Variants in RYR3 observed in about 807,000 individuals in gnomAD.
RYR3 encodes brain ryanodine receptor-calcium release channel.
Under a neutral mutation model 584.3 loss-of-function variants are expected in RYR3, and 207 were observed. That is an observed-to-expected ratio of 0.35 (90% CI 0.32 to 0.40). The LOEUF is 0.40. RYR3 is among the 10% of genes least tolerant of loss of function. The pLI is 1.00. For missense variants in RYR3, 5,616 were observed against 6,089.2 expected, an observed-to-expected ratio of 0.92 and a Z score of 2.59; for synonymous variants, 2,416 against 2,248.5, an observed-to-expected ratio of 1.07 and a Z score of -2.11.
intron 3 of RYR3, among the ~76,000 whole-genome samples, chr15:33,506,160 G>A (rs2052468383): frequency 6.6e-6 from 1 of 152,140 alleles, no homozygotes; most frequent in Admixed American, 6.5e-5. Flanking sequence ...AGGGGAATAA[G>A]TAATCATTCA....
chr15:33,605,376 C>T (rs1042689279), intron 18 of RYR3, among the ~76,000 whole-genome samples: 2 of 152,190 alleles, frequency 1.3e-5, no homozygotes, highest in Admixed American at 6.5e-5. Flanking sequence ...CCTCCTGTCT[C>T]CTCTGAAGGC....
At chr15:33,822,166 CAT>C (rs1397816555) in intron 80 of RYR3, among the ~76,000 whole-genome samples, 2 of 152,198 alleles carry the variant, frequency 1.3e-5, no homozygotes, top group African/African-American at 4.8e-5. Flanking sequence ...TGCGACAACA[CAT>C]AGAAGCATAC....
At chr15:33,528,002 G>C (rs2054536705) in intron 3 of RYR3, among the ~76,000 whole-genome samples, 1 of 152,192 alleles carries the variant, frequency 6.6e-6, no homozygotes, top group Non-Finnish European at 1.5e-5. Context: ...AAGAAGAAAG[G>C]AGTGAAGGAT....
rs538441242 is a variant in RYR3, at chr15:33,532,373, G to T, written c.355-938G>T. Among the ~76,000 whole-genome samples the T allele has an allele frequency of 8.6e-5, 13 of 151,944 alleles. No homozygotes were observed. In the East Asian group the frequency reaches 2.0e-3, roughly 23 times the overall value. On this transcript the variant is annotated intron_variant, in intron 4 of 103. Coordinates refer to ENST00000634891, the MANE Select transcript of RYR3 (RefSeq NM_001036.6). ...AAATTTGAAAAACCAAAAACAGAAG[G>T]TCATGGGACCTTCTGTCCCATGGTC...
intron 1 of RYR3, among the ~76,000 whole-genome samples, chr15:33,409,377 T>G (rs1444211614): frequency 6.6e-6 from 1 of 151,978 alleles, no homozygotes; most frequent in East Asian, 1.9e-4. Flanking sequence ...AAGGCCTTCT[T>G]GTTCCCAGAG....
intron 43 of RYR3, among the ~76,000 whole-genome samples, 194 bp downstream of exon 43, chr15:33,707,248 T>C (rs186718296): frequency 2.0e-5 from 3 of 152,084 alleles, no homozygotes; most frequent in East Asian, 3.9e-4. Context: ...CAGACAAGGA[T>C]AAAGAGTAGA....
intron 1 of RYR3, among the ~76,000 whole-genome samples, chr15:33,435,370 C>G (rs1352835863): frequency 1.3e-5 from 2 of 152,102 alleles, no homozygotes; most frequent in Non-Finnish European, 2.9e-5. Context: ...ATATGGTTCT[C>G]ATCAATTTTC....
chr15:33,853,256 CTTCA>C (rs1194271464), intron 95 of RYR3, among the ~76,000 whole-genome samples, 169 bp downstream of exon 95: 4 of 152,148 alleles, frequency 2.6e-5, no homozygotes, highest in Admixed American at 6.5e-5. Flanking sequence ...AGGTTTTTGG[CTTCA>C]TTCATATACT....
chr15:33,747,850 G>A (rs544961880), intron 53 of RYR3, among the ~76,000 whole-genome samples: 6 of 152,146 alleles, frequency 3.9e-5, no homozygotes, highest in African/African-American at 7.2e-5. Context: ...CCTGTTCTTC[G>A]TCTACAGAAT....
chr15:33,404,986 G>A (rs180949720), intron 1 of RYR3, among the ~76,000 whole-genome samples: 6 of 152,218 alleles, frequency 3.9e-5, no homozygotes, highest in South Asian at 4.1e-4. Context: ...GTGTGACCTC[G>A]GGAAACTGGT....
intron 1 of RYR3, among the ~76,000 whole-genome samples, chr15:33,445,245 A>G (rs926843982): frequency 1.3e-5 from 2 of 152,142 alleles, no homozygotes. Context: ...AAGGGGGCAC[A>G]TGGGATATGT....
chr15:33,404,535 A>C (rs948604388), intron 1 of RYR3, among the ~76,000 whole-genome samples: 1 of 152,060 alleles, frequency 6.6e-6, no homozygotes, highest in African/African-American at 2.4e-5. Flanking sequence ...CATATCAATA[A>C]AATTAGGGAC....
chr15:33,637,518 T>C (rs1241587132), intron 27 of RYR3, among the ~76,000 whole-genome samples: 1 of 152,224 alleles, frequency 6.6e-6, no homozygotes, highest in Non-Finnish European at 1.5e-5. Flanking sequence ...GACATCTTAG[T>C]TGACTTTATT....
intron 31 of RYR3, among the ~76,000 whole-genome samples, chr15:33,652,073 G>A (rs1024050658): frequency 6.6e-6 from 1 of 152,106 alleles, no homozygotes; most frequent in African/African-American, 2.4e-5. Flanking sequence ...TTGTATTCTG[G>A]GGTTTGGTAG....
At position 33,755,337 on chromosome 15, in the gene RYR3, C is replaced by T. The variant is rs572291190; in HGVS notation, c.8515+157C>T. Among the ~76,000 whole-genome samples the T allele has an allele frequency of 3.9e-5, 6 of 152,160 alleles. No individual in the cohort carries two copies. The South Asian group carries it at 1.2e-3, about 32-fold the overall frequency. On this transcript the variant is annotated intron_variant, in intron 58 of 103. Transcript: ENST00000634891. ...TTCCCCCAACTTAAAAAAAATCAATCCGGCCGGGCGCTGTGGCTCACACCT... is the reference window on the plus strand; with the variant it reads ...TTCCCCCAACTTAAAAAAAATCAATTCGGCCGGGCGCTGTGGCTCACACCT...
chr15:33,379,499 C>T lies in RYR3; in HGVS notation c.51+68403C>T, dbSNP rs568863321. Among the ~76,000 whole-genome samples the T allele has an allele frequency of 8.5e-5, 13 of 152,106 alleles. No individual in the cohort carries two copies. The South Asian group carries it at 2.5e-3, about 29-fold the overall frequency. On this transcript the variant is annotated intron_variant, in intron 1 of 103. Transcript: ENST00000634891. Reference sequence around the variant, plus strand: ...TTGACTTGAACTGTCCTGCTACCCTCGATTTCATTACTCTTCAGTGTGTCT... The same window carrying T: ...TTGACTTGAACTGTCCTGCTACCCTTGATTTCATTACTCTTCAGTGTGTCT...
Position 33,311,214 on chromosome 15 carries a change from C to T in RYR3, c.51+118C>T. 1.3e-6 allele frequency: 1 copy of T among 741,972 alleles called. No individual in the cohort carries two copies. Among genetic ancestry groups the T allele is most frequent in the Non-Finnish European group, 1.9e-6 (1 of 515,874 alleles). The allele number at this position is 741,972 out of a possible 1,614,324, so 46.0% of individuals were successfully genotyped here. ...GGGTGCCCGGTGCCGGGCGCTTTCT[C>T]CGCACCCGCGGGCTGCAGAGGCGGA... is the stretch of plus-strand genomic sequence containing the variant. On this transcript the variant is annotated intron_variant, in intron 1 of 103. Transcript: ENST00000634891. The surrounding 1 kb of genome is among the most constrained non-coding windows in gnomAD (Gnocchi z 4.4).
chr15:33,462,485 C>T (rs1255699042), intron 1 of RYR3, among the ~76,000 whole-genome samples: 1 of 152,090 alleles, frequency 6.6e-6, no homozygotes, highest in Non-Finnish European at 1.5e-5. Flanking sequence ...GGCCTTTTCC[C>T]CTCAGGATAA....
intron 3 of RYR3, among the ~76,000 whole-genome samples, chr15:33,524,372 A>G (rs2054240888): frequency 6.6e-6 from 1 of 152,196 alleles, no homozygotes; most frequent in East Asian, 1.9e-4. Context: ...TTAATAGGTA[A>G]AGCATAGAAC....
Sources: gnomAD v4.1 joint callset for allele counts (sites outside exome capture counted in the v4.1 genomes callset) on GRCh38, gnomAD v4.1.1 for gene constraint, Gnocchi (gnomAD v3.1) non-coding constraint, MANE v1.5 for transcripts, NCBI Gene and HGNC (gene_info 2026-07-23, HGNC 2026-07-21) for gene names.